The following DAW1 variants were observed in gnomAD, a reference collection of about 807,000 sequenced individuals.
DAW1 encodes dynein assembly factor with WD repeats 1, also known as dynein assembly factor with WD repeat domains 1.
A neutral mutation model predicts 56.5 loss-of-function variants in DAW1; 47 were observed. The observed-to-expected ratio is 0.83, with a 90% CI of 0.66 to 1.06. The LOEUF is 1.06. DAW1 is among the 50% of genes least tolerant of loss of function. The pLI is 0.00. For synonymous variants in DAW1, 190 were observed against 179.0 expected, an observed-to-expected ratio of 1.06 and a Z score of -0.49; for missense variants, 505 against 499.3, an observed-to-expected ratio of 1.01 and a Z score of -0.11.
intron 9 of DAW1, among the ~76,000 whole-genome samples, 155 bp downstream of exon 9, chr2:227,906,493 T>G (rs959560131): frequency 6.6e-6 from 1 of 152,234 alleles, no homozygotes; most frequent in Non-Finnish European, 1.5e-5. Context: ...TTTCTAGTTT[T>G]GGATTTTCCA....
chr2:227,893,955 T>C, intron 5 of DAW1, 38 bp downstream of exon 5: 2 of 1,511,274 alleles, frequency 1.3e-6, no homozygotes, highest in African/African-American at 1.4e-5. Flanking sequence ...TATTAATTCA[T>C]TTATTCATCC....
rs1386247428 is a variant in DAW1, at chr2:227,924,167, C to T, written c.*199C>T. On this transcript the variant is annotated 3_prime_UTR_variant, in exon 13 of 13. Transcript: ENST00000309931. Reference sequence around the variant, plus strand: ...CCACTCCAATATTATTATTTGATGGCGATGGCAGGACACAGCATAATGTTT... The same window carrying T: ...CCACTCCAATATTATTATTTGATGGTGATGGCAGGACACAGCATAATGTTT... The T allele has an allele frequency of 2.1e-5, 13 of 625,902 alleles. No homozygotes were observed. The highest frequency in any genetic ancestry group is 8.7e-5 in the Admixed American group (3 of 34,468). 38.8% of individuals were successfully genotyped at this position (625,902 alleles called of 1,614,324 possible).
At chr2:227,890,617 G>A (rs114928246) in intron 3 of DAW1, among the ~76,000 whole-genome samples, 2 of 152,130 alleles carry the variant, frequency 1.3e-5, no homozygotes, top group East Asian at 1.9e-4. Context: ...AGACTCACCT[G>A]ATACAAAATA....
chr2:227,917,142 A>ATCTATCTGTCTG lies in DAW1; in HGVS notation c.974-1635_974-1634insATCTGTCTGTCT, dbSNP rs1162712241. Among the ~76,000 whole-genome samples, 442 of 138,520 alleles carry ATCTATCTGTCTG rather than the reference A, an allele frequency of 3.2e-3. 2 individuals are homozygous for ATCTATCTGTCTG. The highest frequency in any genetic ancestry group is 0.01 in the Middle Eastern group (3 of 286). 90.9% of individuals were successfully genotyped at this position (138,520 alleles called of 152,430 possible). A position where few individuals can be genotyped will look rare whatever the true frequency, so the allele number is the denominator to read the frequency against. On this transcript the variant is annotated intron_variant, in intron 10 of 12. Transcript: ENST00000309931. ...TATCTATCTATCTATCTATCTATCTATCTGTCTGTCTGTCTGTCTGTCTGT... is the reference window on the plus strand; with the variant it reads ...TATCTATCTATCTATCTATCTATCTATCTATCTGTCTGTCTGTCTGTCTGTCTGTCTGTCTGT...
chr2:227,880,038 C>T (rs1690972522), intron 1 of DAW1, among the ~76,000 whole-genome samples: 1 of 152,114 alleles, frequency 6.6e-6, no homozygotes, highest in East Asian at 1.9e-4. Context: ...GACATCTTTA[C>T]AGCATTGGGT....
At chr2:227,890,727 C>T (rs978691680) in intron 3 of DAW1, among the ~76,000 whole-genome samples, 4 of 152,172 alleles carry the variant, frequency 2.6e-5, no homozygotes, top group African/African-American at 4.8e-5. Flanking sequence ...GTATAACTAG[C>T]GTGTCTCAAT....
chr2:227,920,313 C>T (rs1327396522), intron 11 of DAW1, among the ~76,000 whole-genome samples: 1 of 152,210 alleles, frequency 6.6e-6, no homozygotes, highest in East Asian at 1.9e-4. Context: ...AGAGTGTCCA[C>T]TGTGCTGGGC....
At chr2:227,918,236 A>G (rs1172180612) in intron 10 of DAW1, among the ~76,000 whole-genome samples, 1 of 131,662 alleles carries the variant, frequency 7.6e-6, no homozygotes, top group Non-Finnish European at 1.7e-5. Context: ...ACAGCTATTT[A>G]TTGAATGGCT....
chr2:227,904,205 T>C (rs1691623443), intron 7 of DAW1, among the ~76,000 whole-genome samples: 1 of 152,194 alleles, frequency 6.6e-6, no homozygotes, highest in South Asian at 2.1e-4. Context: ...ATTTTGTCCT[T>C]TGAAATCAAT....
At chr2:227,889,079 T>C (rs910274392) in intron 2 of DAW1, among the ~76,000 whole-genome samples, 1 of 152,124 alleles carries the variant, frequency 6.6e-6, no homozygotes, top group African/African-American at 2.4e-5. Flanking sequence ...TGTTACAGGA[T>C]TAAATAAGAG....
chr2:227,878,679 G>T (rs4972999), intron 1 of DAW1, among the ~76,000 whole-genome samples: 73,516 of 152,018 alleles, frequency 0.48, 17,992 homozygotes, highest in Admixed American at 0.58. Context: ...AGTGATGATT[G>T]TACAACTGCA....
intron 1 of DAW1, 69 bp from the exon 2 acceptor site, chr2:227,885,282 A>AAGGT (rs1406537737): frequency 9.2e-7 from 1 of 1,088,048 alleles, no homozygotes; most frequent in Non-Finnish European, 1.3e-6. Context: ...AAACTGTGGC[A>AAGGT]AGGTAGGTTA....
chr2:227,892,460 T>C (rs76766605), intron 4 of DAW1, among the ~76,000 whole-genome samples: 19,578 of 152,202 alleles, frequency 0.13, 2,085 homozygotes, highest in African/African-American at 0.29. Flanking sequence ...TAATTATATC[T>C]GCAAGATCTT....
intron 9 of DAW1, 106 bp from the exon 10 acceptor site, chr2:227,907,032 T>A: frequency 1.4e-6 from 1 of 695,062 alleles, no homozygotes. Context: ...TTTTGCACAG[T>A]TATTTAACCA....
chr2:227,903,093 A>C lies in DAW1; in HGVS notation c.632A>C (p.Glu211Ala), dbSNP rs1467256768. The C allele has an allele frequency of 1.2e-6, 2 of 1,614,046 alleles. No individual in the cohort carries two copies. Among genetic ancestry groups the C allele is most frequent in the Non-Finnish European group, 1.7e-6 (2 of 1,180,008 alleles). Reference protein sequence around the residue: ...AKLWDIQNGEEVYTLRGHSAE... With the variant: ...AKLWDIQNGEAVYTLRGHSAE... ...TTGTGGGACATTCAGAATGGCGAGG[A>C]AGTTTACACCTTAAGAGTATGTCAA... The change falls in exon 7 of 13, where the codon GAA becomes GCA. Residue 211 changes from glutamate (E) to alanine (A), a missense_variant. Physicochemically the swap from Glu to Ala is moderately radical, Grantham distance 107 (BLOSUM62 -1). Coordinates refer to ENST00000309931, the MANE Select transcript of DAW1 (RefSeq NM_178821.3).
At chr2:227,913,543 C>T (rs1691878575) in intron 10 of DAW1, among the ~76,000 whole-genome samples, 1 of 152,132 alleles carries the variant, frequency 6.6e-6, no homozygotes, top group African/African-American at 2.4e-5. Flanking sequence ...GGAAAACCCA[C>T]AGTGCTGCAT....
At chr2:227,874,963 A>AAAACAAAC (rs55786766) in intron 1 of DAW1, among the ~76,000 whole-genome samples, 6,156 of 117,840 alleles carry the variant, frequency 0.052, 152 homozygotes, top group Middle Eastern at 0.073. Flanking sequence ...ACTCTGTCTC[A>AAAACAAAC]AAACAAACAA....
At position 227,898,257 on chromosome 2, in the gene DAW1, C is replaced by A; in HGVS notation, c.516C>A (p.Thr172=). The A allele has an allele frequency of 1.9e-6, 3 of 1,559,390 alleles. No individual in the cohort carries two copies. Among genetic ancestry groups the A allele is most frequent in the Non-Finnish European group, 2.6e-6 (3 of 1,148,980 alleles). The change falls in exon 6 of 13, where the codon ACC becomes ACA. Residue 172 remains threonine, a synonymous_variant. Coordinates refer to ENST00000309931, the MANE Select transcript of DAW1 (RefSeq NM_178821.3). ...WSVETGKCYH[T]FRGHTAEIVC... is the part of the protein sequence containing the mutation. ...TGGAAACAGGAAAATGTTACCATAC[C>A]TTCAGGGGTCATACAGCAGAAATAG...
chr2:227,878,484 G>C (rs1690938066), intron 1 of DAW1, among the ~76,000 whole-genome samples: 1 of 152,186 alleles, frequency 6.6e-6, no homozygotes, highest in East Asian at 1.9e-4. Flanking sequence ...CACTTTGAGA[G>C]GCTGAGGCAG....
Sources: allele counts gnomAD v4.1 joint callset (sites outside exome capture counted in the v4.1 genomes callset), GRCh38; gene constraint gnomAD v4.1.1; transcripts MANE v1.5; gene names NCBI Gene and HGNC (gene_info 2026-07-23, HGNC 2026-07-21).